EPB41: variants seen among roughly 807,000 people sequenced by gnomAD.
EPB41 encodes the protein erythrocyte membrane protein band 4.1.
A neutral mutation model predicts 108.0 loss-of-function variants in EPB41; 65 were observed. That is an observed-to-expected ratio of 0.60 (90% confidence interval 0.49 to 0.74). EPB41 has a LOEUF of 0.74. Among genes scored for constraint, EPB41 ranks in the 30% least tolerant of loss-of-function variants. The pLI is 0.00. For synonymous variants in EPB41, 336 were observed against 358.9 expected (o/e 0.94, Z 0.72); for missense variants, 875 against 1,037.0 (o/e 0.84, Z 2.15).
intron 17 of EPB41, among the ~76,000 whole-genome samples, chr1:29,108,501 A>G (rs1426560255): frequency 6.6e-6 from 1 of 151,874 alleles, no homozygotes; most frequent in Non-Finnish European, 1.5e-5. Flanking sequence ...TAAGGAAACT[A>G]TACCCATCCA....
intron 1 of EPB41, among the ~76,000 whole-genome samples, chr1:28,907,359 A>C (rs1570311041): frequency 1.4e-5 from 2 of 145,788 alleles, no homozygotes; most frequent in African/African-American, 5.2e-5. Flanking sequence ...GAGCCACTGC[A>C]CCCGGCCTTC....
At chr1:28,921,076 T>C (rs1414877733) in intron 1 of EPB41, among the ~76,000 whole-genome samples, 1 of 152,000 alleles carries the variant, frequency 6.6e-6, no homozygotes, top group Non-Finnish European at 1.5e-5. Flanking sequence ...GCTAATAGAG[T>C]TGTTTTGAAT....
intron 11 of EPB41, among the ~76,000 whole-genome samples, chr1:29,048,890 A>G (rs1176771166): frequency 1.3e-5 from 2 of 152,156 alleles, no homozygotes; most frequent in African/African-American, 4.8e-5. Flanking sequence ...TATAGTATAA[A>G]AAGTGGAAAT....
intron 16 of EPB41, among the ~76,000 whole-genome samples, chr1:29,089,169 C>T (rs1660321384): frequency 6.6e-6 from 1 of 152,168 alleles, no homozygotes; most frequent in Non-Finnish European, 1.5e-5. Context: ...ATTAGCACAG[C>T]ACCTGGCACA....
At chr1:29,033,366 T>C in intron 9 of EPB41, 121 bp downstream of exon 9, 1 of 1,174,446 alleles carries the variant, frequency 8.5e-7, no homozygotes, top group Non-Finnish European at 1.2e-6. Flanking sequence ...ATTGAAGGGC[T>C]GATAATTCCG....
intron 1 of EPB41, among the ~76,000 whole-genome samples, chr1:28,888,290 A>G (rs1468327244): frequency 6.6e-6 from 1 of 152,054 alleles, no homozygotes; most frequent in Non-Finnish European, 1.5e-5. Context: ...CGTCAGGGTC[A>G]GGTCCTCAGC....
intron 3 of EPB41, among the ~76,000 whole-genome samples, chr1:28,996,090 A>T (rs1246356883): frequency 5.3e-5 from 8 of 152,206 alleles, no homozygotes; most frequent in Non-Finnish European, 7.3e-5. Flanking sequence ...TCCAATAAAG[A>T]GGTAGGATGA....
chr1:29,112,465 G>C lies in EPB41; in HGVS notation c.2496+17G>C, dbSNP rs752197500. The C allele has an allele frequency of 5.6e-6, 9 of 1,608,824 alleles. No individual in the cohort carries two copies. The highest frequency in any genetic ancestry group is 6.8e-6 in the Non-Finnish European group (8 of 1,175,252). On this transcript the variant is annotated intron_variant, in intron 19 of 20. Coordinates refer to ENST00000343067, the MANE Select transcript of EPB41 (RefSeq NM_001376013.1). ...CATGATCAGGTGGGAATGTTGAAGA[G>C]ATCTGGGCCTGGGAGGGGTCCCTGG...
chr1:29,058,968 T>C, intron 14 of EPB41, 116 bp downstream of exon 14: 1 of 1,023,462 alleles, frequency 9.8e-7, no homozygotes, highest in South Asian at 1.4e-5. Context: ...TCAGGAGTTG[T>C]TAATAGTTTC....
rs924160513 is a variant in EPB41 at position 28,985,092 on chromosome 1, G to A, written c.-7-2339G>A. 7.2e-5 allele frequency among the ~76,000 whole-genome samples: 11 copies of A among 152,188 alleles called. No homozygotes were observed. In the East Asian group the frequency reaches 1.9e-3, roughly 27 times the overall value. On this transcript the variant is annotated intron_variant, in intron 1 of 20. Coordinates refer to ENST00000343067, the MANE Select transcript of EPB41 (RefSeq NM_001376013.1). ...TGATTCTCCTGCCTTAGCTTCCTGA[G>A]TAGCTGGATTACAAGCGCCTGCCAC...
intron 1 of EPB41, among the ~76,000 whole-genome samples, chr1:28,967,384 C>G (rs1447677343): frequency 6.6e-6 from 1 of 152,156 alleles, no homozygotes; most frequent in Non-Finnish European, 1.5e-5. Context: ...AAGAAAGTTA[C>G]TGATACTTTG....
At chr1:28,974,010 C>T (rs1389583523) in intron 1 of EPB41, among the ~76,000 whole-genome samples, 1 of 152,212 alleles carries the variant, frequency 6.6e-6, no homozygotes. Context: ...GAGCAGCAAT[C>T]ATTTTCCTGC....
intron 16 of EPB41, chr1:29,069,397 T>C: frequency 2.4e-6 from 3 of 1,229,262 alleles, no homozygotes; most frequent in Non-Finnish European, 3.0e-6. Flanking sequence ...TTTAAAAGTG[T>C]CTAAAGCATT....
chr1:28,967,041 C>T (rs1446052002), intron 1 of EPB41, among the ~76,000 whole-genome samples: 8 of 93,238 alleles, frequency 8.6e-5, no homozygotes, highest in Admixed American at 1.6e-4. Context: ...TTTTTTGAGA[C>T]GGAGTCTCAC....
chr1:29,091,199 T>C (rs1368952952), intron 16 of EPB41, among the ~76,000 whole-genome samples: 8 of 152,198 alleles, frequency 5.3e-5, no homozygotes, highest in Non-Finnish European at 1.2e-4. Flanking sequence ...CTACTACTTA[T>C]CACTTGAACA....
intron 11 of EPB41, among the ~76,000 whole-genome samples, chr1:29,050,852 T>C: frequency 6.6e-6 from 1 of 151,630 alleles, no homozygotes; most frequent in African/African-American, 2.4e-5. Flanking sequence ...ATTTTTTGTA[T>C]TTTTTAGTAG....
intron 1 of EPB41, among the ~76,000 whole-genome samples, chr1:28,953,411 T>A (rs2094820745): frequency 6.6e-6 from 1 of 152,178 alleles, no homozygotes; most frequent in African/African-American, 2.4e-5. Flanking sequence ...AGGGTTGCAG[T>A]TAATCAGCTG....
chr1:28,993,555 T>C lies in EPB41; in HGVS notation c.681+13T>C. The C allele has an allele frequency of 6.2e-7, 1 of 1,613,146 alleles. No individual in the cohort carries two copies. The highest frequency in any genetic ancestry group is 8.5e-7 in the Non-Finnish European group (1 of 1,179,312). On this transcript the variant is annotated intron_variant, in intron 3 of 20. Coordinates refer to ENST00000343067, the MANE Select transcript of EPB41 (RefSeq NM_001376013.1). Reference sequence around the variant, plus strand: ...ATGTGTTGTGGAGGTGAGTATGTTTTCATTTCCAACAATCAGAACTCTTAC... The same window carrying C: ...ATGTGTTGTGGAGGTGAGTATGTTTCCATTTCCAACAATCAGAACTCTTAC...
intron 1 of EPB41, among the ~76,000 whole-genome samples, chr1:28,949,316 C>T (rs891687909): frequency 3.3e-5 from 5 of 152,064 alleles, no homozygotes; most frequent in Admixed American, 1.3e-4. Context: ...ATGTGGTGTG[C>T]ACCTGTAGTT....
Sources: allele counts gnomAD v4.1 joint callset (sites outside exome capture counted in the v4.1 genomes callset), GRCh38; gene constraint gnomAD v4.1.1; transcripts MANE v1.5; gene names NCBI Gene and HGNC (gene_info 2026-07-23, HGNC 2026-07-21).